The following CFAP77 variants were observed in gnomAD, a reference collection of about 807,000 sequenced individuals.
The protein encoded by CFAP77 is cilia- and flagella-associated protein 77.
A neutral mutation model predicts 31.1 loss-of-function variants in CFAP77; 25 were observed. The observed-to-expected ratio is 0.80, with a 90% CI of 0.59 to 1.12. CFAP77 has a LOEUF of 1.12. Among genes scored for constraint, CFAP77 ranks in the 50% most tolerant of loss-of-function variants. The pLI is 0.00. For synonymous variants in CFAP77, 151 were observed against 159.9 expected (o/e 0.94, Z 0.42); for missense variants, 377 against 397.3 (o/e 0.95, Z 0.44).
chr9:132,430,237 A>AT (rs1429113716), intron 1 of CFAP77, among the ~76,000 whole-genome samples: 6 of 151,372 alleles, frequency 4.0e-5, no homozygotes, highest in South Asian at 4.2e-4. Context: ...ACTATTTTGG[A>AT]TTTTTTTGCC....
intron 3 of CFAP77, among the ~76,000 whole-genome samples, chr9:132,500,371 C>T (rs895800432): frequency 4.6e-5 from 7 of 152,078 alleles, no homozygotes; most frequent in South Asian, 2.1e-4. Context: ...CACCGTATGC[C>T]GAGGTTTCAG....
At chr9:132,454,403 G>A (rs1850879074) in intron 1 of CFAP77, among the ~76,000 whole-genome samples, 1 of 151,978 alleles carries the variant, frequency 6.6e-6, no homozygotes, top group South Asian at 2.1e-4. Flanking sequence ...TGAACTTTTA[G>A]GGTAAAACTT....
chr9:132,484,714 C>A (rs1851508321), intron 1 of CFAP77, among the ~76,000 whole-genome samples: 1 of 151,704 alleles, frequency 6.6e-6, no homozygotes, highest in South Asian at 2.1e-4. Context: ...TGTTTGAATG[C>A]CTGTTTTCTT....
chr9:132,466,379 G>A (rs1851150916), intron 1 of CFAP77, among the ~76,000 whole-genome samples: 1 of 152,198 alleles, frequency 6.6e-6, no homozygotes, highest in South Asian at 2.1e-4. Flanking sequence ...GCTGCAGTTA[G>A]CAGGATTGTG....
In CFAP77 at chr9:132,432,198, G is replaced by A. The variant is rs184146627; in HGVS notation, c.195+21732G>A. On this transcript the variant is annotated intron_variant, in intron 1 of 5. Transcript: ENST00000393216. ...TCTTAGAATTTCTAGTTCTATAAAA[G>A]GACATCAGGAAGCAGGACACAATAT... 1.6e-4 allele frequency among the ~76,000 whole-genome samples: 25 copies of A among 152,266 alleles called. No homozygotes were observed. The East Asian group carries it at 4.8e-3, about 29-fold the overall frequency.
At chr9:132,485,049 A>G (rs1851517121) in intron 1 of CFAP77, among the ~76,000 whole-genome samples, 1 of 151,958 alleles carries the variant, frequency 6.6e-6, no homozygotes, top group Non-Finnish European at 1.5e-5. Flanking sequence ...GGGTTTCACC[A>G]TTTTGGCCGG....
intron 1 of CFAP77, among the ~76,000 whole-genome samples, chr9:132,459,298 C>G (rs145139874): frequency 9.2e-5 from 14 of 152,246 alleles, no homozygotes; most frequent in African/African-American, 2.9e-4. Flanking sequence ...GTCTCGATCT[C>G]CTGACCTCGT....
chr9:132,493,202 G>A (rs1420746745), intron 1 of CFAP77, among the ~76,000 whole-genome samples: 1 of 151,964 alleles, frequency 6.6e-6, no homozygotes, highest in East Asian at 1.9e-4. Context: ...GGGGATGATG[G>A]GGCTTTTCTG....
chr9:132,523,703 C>T (rs1431721759), intron 3 of CFAP77, among the ~76,000 whole-genome samples: 1 of 152,234 alleles, frequency 6.6e-6, no homozygotes, highest in Non-Finnish European at 1.5e-5. Context: ...AAACCTCAGG[C>T]TTCCTCGGCT....
At chr9:132,516,257 A>G (rs1212439066) in intron 3 of CFAP77, among the ~76,000 whole-genome samples, 1 of 152,244 alleles carries the variant, frequency 6.6e-6, no homozygotes, top group Non-Finnish European at 1.5e-5. Flanking sequence ...AGGCCAAACT[A>G]AGCATGTCTG....
At chr9:132,434,049 G>C (rs956938186) in intron 1 of CFAP77, among the ~76,000 whole-genome samples, 1 of 151,902 alleles carries the variant, frequency 6.6e-6, no homozygotes, top group African/African-American at 2.4e-5. Context: ...TCAGATGGGA[G>C]GATCGCTTGA....
chr9:132,459,420 GGT>G (rs112825234), intron 1 of CFAP77, among the ~76,000 whole-genome samples: 2,949 of 143,428 alleles, frequency 0.021, 44 homozygotes, highest in South Asian at 0.058. Context: ...GGATGAATAG[GGT>G]GTGTGTGTGT....
rs936100699 is a variant in CFAP77 at position 132,553,753 on chromosome 9, A to ACC, written c.732+10707_732+10708dup. Among the ~76,000 whole-genome samples the ACC allele has an allele frequency of 5.6e-4, 86 of 152,262 alleles. 1 individual carries two copies. Among genetic ancestry groups the ACC allele is most frequent in the Non-Finnish European group, 1.9e-4 (13 of 68,048 alleles). ...GGACGGCCTAGGCTCCACGGTCTCC[A>ACC]CCAGTCCATGCTGCATTCTCTACCT... On this transcript the variant is annotated intron_variant, in intron 5 of 5. Coordinates refer to ENST00000393216, the MANE Select transcript of CFAP77 (RefSeq NM_001282957.2).
rs113484048 is a variant in CFAP77 at position 132,420,420 on chromosome 9, A to T, written c.195+9954A>T. 9.6e-3 allele frequency among the ~76,000 whole-genome samples: 1,448 copies of T among 151,484 alleles called. 21 individuals carry two copies. The highest frequency in any genetic ancestry group is 0.033 in the African/African-American group (1,380 of 41,220). On this transcript the variant is annotated intron_variant, in intron 1 of 5. Transcript: ENST00000393216. The stretch of plus-strand genomic sequence containing the variant: ...GTAATCCCAGCACTTTGAGAGGCCG[A>T]GGTGGGCGGATCACTTGAGGCCAGG...
chr9:132,537,703 G>A lies in CFAP77; in HGVS notation c.627G>A (p.Gln209=). The A allele has an allele frequency of 6.2e-7, 1 of 1,612,398 alleles. No homozygotes were observed. The change falls in exon 4 of 6, where the codon CAG becomes CAA. Residue 209 remains glutamine (Q), a synonymous_variant. Coordinates refer to ENST00000393216, the MANE Select transcript of CFAP77 (RefSeq NM_001282957.2). ...TQKAIKLEKK[Q]KVVLGKLYET... is the part of the protein sequence containing the mutation. ...AAGCCATCAAACTGGAGAAGAAGCA[G>A]AAGGTAAATGCAGCCCTCGCTCCCA...
At chr9:132,453,124 A>C (rs1219965921) in intron 1 of CFAP77, among the ~76,000 whole-genome samples, 2 of 151,880 alleles carry the variant, frequency 1.3e-5, no homozygotes, top group Admixed American at 1.3e-4. Flanking sequence ...CTCAGCCTTC[A>C]CTCTTCCCTT....
intron 1 of CFAP77, among the ~76,000 whole-genome samples, chr9:132,460,631 G>A (rs1851031482): frequency 6.6e-6 from 1 of 152,158 alleles, no homozygotes; most frequent in African/African-American, 2.4e-5. Context: ...TGTGAGGAGT[G>A]GCTGCTCAAC....
rs1178479112 is a variant in CFAP77, at chr9:132,481,722, C to T, written c.196-16973C>T. 6.6e-6 allele frequency among the ~76,000 whole-genome samples: 1 copy of T among 152,216 alleles called. No individual in the cohort carries two copies. Among genetic ancestry groups the T allele is most frequent in the Admixed American group, 6.5e-5 (1 of 15,282 alleles). The stretch of plus-strand genomic sequence containing the variant: ...GCCGCCGCTTCCTCTCCCAGCCGAC[C>T]CCAGCCTTATTAACAGGCTTCGTTT... On this transcript the variant is annotated intron_variant, in intron 1 of 5. Transcript: ENST00000393216. The surrounding 1 kb of genome is among the most constrained non-coding windows in gnomAD (Gnocchi z 5.0).
Position 132,421,293 on chromosome 9 carries a change from T to C in CFAP77, c.195+10827T>C, listed in dbSNP as rs375435086. Among the ~76,000 whole-genome samples, 58 of 150,944 alleles carry C rather than the reference T, an allele frequency of 3.8e-4. 2 individuals are homozygous for C. The East Asian group carries it at 4.5e-3, about 12-fold the overall frequency. On this transcript the variant is annotated intron_variant, in intron 1 of 5. Transcript: ENST00000393216. ...AGGCGTGAGCCACCATGCCCGGCCT[T>C]GGGCTGAGTCTTGACACAAAGATTA...
Sources: allele counts gnomAD v4.1 joint callset (sites outside exome capture counted in the v4.1 genomes callset), GRCh38; gene constraint gnomAD v4.1.1; non-coding constraint Gnocchi (gnomAD v3.1); transcripts MANE v1.5; gene names NCBI Gene and HGNC (gene_info 2026-07-23, HGNC 2026-07-21).